The following TTC6 variants were observed in gnomAD, a reference collection of about 807,000 sequenced individuals.
TTC6 encodes the protein tetratricopeptide repeat domain 6.
Under a neutral mutation model 210.4 loss-of-function variants are expected in TTC6, and 172 were observed. The ratio of observed to expected loss-of-function variants is 0.82; its 90% CI spans 0.72 to 0.93. The LOEUF (loss-of-function observed/expected upper bound fraction) is 0.93. Ranked by LOEUF, TTC6 falls within the 40% of genes least tolerant of loss-of-function variation. The pLI, the probability that TTC6 is intolerant of heterozygous loss-of-function variation, is 0.00. For missense variants in TTC6, 2,414 were observed against 2,318.1 expected, an observed-to-expected ratio of 1.04 and a Z score of -0.85; for synonymous variants, 804 against 819.6, an observed-to-expected ratio of 0.98 and a Z score of 0.32.
intron 1 of TTC6, among the ~76,000 whole-genome samples, chr14:37,605,327 A>G (rs939331567): frequency 1.3e-5 from 2 of 152,246 alleles, no homozygotes; most frequent in African/African-American, 4.8e-5. Flanking sequence ...AAGGTCCTGC[A>G]TAGCAGCTTC....
chr14:37,741,454 A>T (rs1408256571), intron 10 of TTC6, among the ~76,000 whole-genome samples: 2 of 151,316 alleles, frequency 1.3e-5, no homozygotes, highest in South Asian at 2.1e-4. Context: ...ACACCTGGCT[A>T]ATTTTTCGTA....
At chr14:37,601,627 G>A (rs946238050) in intron 1 of TTC6, among the ~76,000 whole-genome samples, 2 of 152,338 alleles carry the variant, frequency 1.3e-5, no homozygotes. Context: ...CCCTGGCACA[G>A]CGAACAGGGT....
chr14:37,661,546 A>G (rs1311196204), intron 1 of TTC6, among the ~76,000 whole-genome samples: 1 of 152,138 alleles, frequency 6.6e-6, no homozygotes, highest in Non-Finnish European at 1.5e-5. Flanking sequence ...TTTTTGTACC[A>G]GTACCATGCT....
At chr14:37,786,533 C>T (rs1461261194) in intron 14 of TTC6, among the ~76,000 whole-genome samples, 1 of 152,190 alleles carries the variant, frequency 6.6e-6, no homozygotes, top group Non-Finnish European at 1.5e-5. Flanking sequence ...TCATGGCTTC[C>T]CTTGGCTAGG....
At chr14:37,767,798 A>G (rs979710226) in intron 14 of TTC6, among the ~76,000 whole-genome samples, 9 of 150,930 alleles carry the variant, frequency 6.0e-5, no homozygotes, top group African/African-American at 2.2e-4. Context: ...GAAGCTCTTT[A>G]GTTTAATTAG....
chr14:37,597,004 C>A lies in TTC6; in HGVS notation c.-235+996C>A, dbSNP rs1594984142. ...AAAAAAAGATAAAAGCATTGGATTA[C>A]ATTTTTTTTTTTTTTTTTTACAAAA... On this transcript the variant is annotated intron_variant, in intron 1 of 2. Transcript: ENST00000556845. 3.8e-5 allele frequency among the ~76,000 whole-genome samples: 5 copies of A among 133,016 alleles called. No homozygotes were observed. In the South Asian group the frequency reaches 7.8e-4, roughly 21 times the overall value. The allele number at this position is 133,016 out of a possible 152,430, so 87.3% of individuals were successfully genotyped here.
At chr14:37,620,107 T>TA (rs940934808), upstream of TTC6, among the ~76,000 whole-genome samples, 2 of 152,112 alleles carry the variant, frequency 1.3e-5, no homozygotes, top group South Asian at 2.1e-4. Flanking sequence ...ACCATTATAG[T>TA]AAAAAAATTG....
chr14:37,717,509 A>G (rs1006870160), intron 6 of TTC6, among the ~76,000 whole-genome samples: 7 of 152,150 alleles, frequency 4.6e-5, no homozygotes, highest in African/African-American at 2.4e-5. Context: ...TATGAAATAG[A>G]TTATTTGAAT....
chr14:37,748,134 G>A (rs1418310530), intron 10 of TTC6, among the ~76,000 whole-genome samples: 1 of 152,180 alleles, frequency 6.6e-6, no homozygotes, highest in East Asian at 1.9e-4. Context: ...AAATTATTCT[G>A]CTCTAAGAAG....
At chr14:37,600,099 G>C (rs954069410) in intron 1 of TTC6, among the ~76,000 whole-genome samples, 1 of 152,190 alleles carries the variant, frequency 6.6e-6, no homozygotes, top group East Asian at 1.9e-4. Flanking sequence ...GGCAATGCAC[G>C]CTTCACACAA....
chr14:37,630,255 A>G (rs177835), intron 1 of TTC6, among the ~76,000 whole-genome samples: 99,029 of 152,050 alleles, frequency 0.65, 33,859 homozygotes, highest in African/African-American at 0.87. Context: ...CTTTAGCTGT[A>G]TCCCAGAGAT....
chr14:37,770,758 A>G (rs1195088942), intron 14 of TTC6, among the ~76,000 whole-genome samples: 8 of 147,278 alleles, frequency 5.4e-5, no homozygotes, highest in African/African-American at 1.2e-4. Flanking sequence ...TCTTTATCCA[A>G]TTTGCCAGTC....
intron 14 of TTC6, among the ~76,000 whole-genome samples, chr14:37,761,142 G>C (rs2095983225): frequency 6.6e-6 from 1 of 152,148 alleles, no homozygotes. Context: ...GGTCCTTGTG[G>C]TGTAGGCACA....
chr14:37,704,735 T>G lies in TTC6; in HGVS notation c.1571+3209T>G, dbSNP rs568342784. Among the ~76,000 whole-genome samples the G allele has an allele frequency of 1.2e-3, 184 of 152,184 alleles. 2 individuals are homozygous for G. The highest frequency in any genetic ancestry group is 3.6e-3 in the African/African-American group (151 of 41,572). On this transcript the variant is annotated intron_variant, in intron 5 of 30. Transcript: ENST00000553443. Reference sequence around the variant, plus strand: ...AAATTTTTTAATGTAGCAATTTTTTTTGTGTGTTCTAGTCTTGATGCTAAT... The same window carrying G: ...AAATTTTTTAATGTAGCAATTTTTTGTGTGTGTTCTAGTCTTGATGCTAAT...
At chr14:37,711,437 G>C (rs1429707679) in intron 5 of TTC6, among the ~76,000 whole-genome samples, 3 of 152,172 alleles carry the variant, frequency 2.0e-5, no homozygotes, top group Non-Finnish European at 4.4e-5. Context: ...TAAAGGTCTC[G>C]TGGAGGAATT....
At chr14:37,696,797 G>A in exon 4 of TTC6, 1 of 1,433,144 alleles carries the variant, frequency 7.0e-7, no homozygotes, top group Non-Finnish European at 9.1e-7. Flanking sequence ...GACCAAGAAA[G>A]TCTTCAAAAC....
At chr14:37,716,164 A>G (rs2095852399) in intron 6 of TTC6, among the ~76,000 whole-genome samples, 1 of 152,124 alleles carries the variant, frequency 6.6e-6, no homozygotes, top group African/African-American at 2.4e-5. Context: ...TATAAAATGT[A>G]ATACCTAGAG....
intron 5 of TTC6, among the ~76,000 whole-genome samples, chr14:37,706,001 G>A (rs35536208): frequency 0.057 from 8,718 of 152,182 alleles, 386 homozygotes; most frequent in Non-Finnish European, 0.089. Flanking sequence ...CATGCTGTGG[G>A]CAATTGGAAT....
At chr14:37,633,892 T>C (rs2095674973) in intron 1 of TTC6, among the ~76,000 whole-genome samples, 1 of 152,132 alleles carries the variant, frequency 6.6e-6, no homozygotes, top group Admixed American at 6.5e-5. Context: ...CTGGTGCCAG[T>C]AAAGGCTGAG....
Sources: allele counts gnomAD v4.1 joint callset (sites outside exome capture counted in the v4.1 genomes callset), GRCh38; gene constraint gnomAD v4.1.1; transcripts MANE v1.5; gene names NCBI Gene and HGNC (gene_info 2026-07-23, HGNC 2026-07-21).